Variants in IL1RAPL2 observed in about 807,000 individuals in gnomAD.
IL1RAPL2 encodes the protein interleukin 1 receptor accessory protein like 2.
Under a neutral mutation model 44.1 loss-of-function variants are expected in IL1RAPL2, and 3 were observed. The observed-to-expected ratio is 0.07, with a 90% confidence interval of 0.03 to 0.18. The LOEUF (loss-of-function observed/expected upper bound fraction) is 0.18. Among genes scored for constraint, IL1RAPL2 ranks in the 10% least tolerant of loss-of-function variants. IL1RAPL2 has a pLI of 1.00. For missense variants in IL1RAPL2, 391 were observed against 496.4 expected (o/e 0.79, Z 2.02); for synonymous variants, 181 against 178.8 (o/e 1.01, Z -0.10).
chrX:105,119,397 A>G (rs2032896866), intron 2 of IL1RAPL2, among the ~76,000 whole-genome samples: 1 of 110,951 alleles, frequency 9.0e-6, no homozygotes, highest in Non-Finnish European at 1.9e-5. Context: ...TCATCTTTCC[A>G]TCTCTTGCTC....
At chrX:105,475,758 T>C (rs897277796) in intron 5 of IL1RAPL2, among the ~76,000 whole-genome samples, 15 of 111,675 alleles carry the variant, frequency 1.3e-4, no homozygotes, top group African/African-American at 4.5e-4. Context: ...TGTTTTCTTT[T>C]CAAATTTGAA....
chrX:105,166,431 T>G (rs1219598585), intron 2 of IL1RAPL2, among the ~76,000 whole-genome samples: 1 of 112,281 alleles, frequency 8.9e-6, no homozygotes, highest in Non-Finnish European at 1.9e-5. Flanking sequence ...TAGCTTCATA[T>G]ACCTGCAAGA....
intron 1 of IL1RAPL2, among the ~76,000 whole-genome samples, chrX:104,655,181 A>T (rs888747993): frequency 1.3e-4 from 14 of 111,315 alleles, no homozygotes; most frequent in Admixed American, 3.8e-4. Flanking sequence ...CTCCTGCCTG[A>T]TTGCCCTGGC....
At chrX:105,473,976 C>T (rs1441026588) in intron 5 of IL1RAPL2, among the ~76,000 whole-genome samples, 1 of 111,108 alleles carries the variant, frequency 9.0e-6, no homozygotes, top group Non-Finnish European at 1.9e-5. Flanking sequence ...ATGCCCTCCA[C>T]CCCAAAGATG....
intron 6 of IL1RAPL2, among the ~76,000 whole-genome samples, chrX:105,642,320 G>A (rs1288509076): frequency 2.7e-5 from 3 of 112,324 alleles, no homozygotes; most frequent in Non-Finnish European, 5.6e-5. Flanking sequence ...CAGATGCAAA[G>A]AATGTAGGAA....
chrX:105,687,741 T>A lies in IL1RAPL2; in HGVS notation c.773-29626T>A, dbSNP rs1298159302. On this transcript the variant is annotated intron_variant, in intron 6 of 10. Coordinates refer to ENST00000372582, the MANE Select transcript of IL1RAPL2 (RefSeq NM_017416.2). The stretch of plus-strand genomic sequence containing the variant: ...TCAGTTTATGAGGCCAACATCATCC[T>A]GATACCAAAGCCTGGCAGAGACACA... 2.7e-5 allele frequency among the ~76,000 whole-genome samples: 3 copies of A among 111,657 alleles called. No homozygotes were observed. In the Admixed American group the frequency reaches 2.8e-4, roughly 11 times the overall value.
chrX:105,749,157 T>A (rs1321329767), intron 9 of IL1RAPL2, 54 bp downstream of exon 9: 1 of 1,122,428 alleles, frequency 8.9e-7, no homozygotes, highest in African/African-American at 1.8e-5. Context: ...TTTGTGATTA[T>A]GTAAGAGAAC....
chrX:105,242,480 G>C (rs2034179016), intron 4 of IL1RAPL2, among the ~76,000 whole-genome samples: 1 of 111,723 alleles, frequency 9.0e-6, no homozygotes, highest in Non-Finnish European at 1.9e-5. Flanking sequence ...TCATTTGTCA[G>C]TTTTAAAATA....
intron 2 of IL1RAPL2, among the ~76,000 whole-genome samples, chrX:104,968,475 A>G (rs1259393010): frequency 9.0e-6 from 1 of 111,659 alleles, no homozygotes; most frequent in Non-Finnish European, 1.9e-5. Flanking sequence ...TTGAAAATCA[A>G]GAACAGGAGA....
intron 2 of IL1RAPL2, among the ~76,000 whole-genome samples, chrX:104,884,118 C>A (rs1923159715): frequency 9.1e-6 from 1 of 110,114 alleles, no homozygotes; most frequent in Non-Finnish European, 1.9e-5. Context: ...GGCAAGGGTG[C>A]AGGTTTTTGA....
chrX:105,219,797 G>A, intron 3 of IL1RAPL2: 1 of 1,156,065 alleles, frequency 8.7e-7, no homozygotes, highest in Non-Finnish European at 1.2e-6. Flanking sequence ...TGTTCTGGGG[G>A]CAAGGCGGGA....
intron 2 of IL1RAPL2, among the ~76,000 whole-genome samples, chrX:104,772,226 G>A: frequency 8.9e-6 from 1 of 112,059 alleles, no homozygotes; most frequent in Non-Finnish European, 1.9e-5. Flanking sequence ...TGAAGAATAA[G>A]GATAATATTA....
intron 2 of IL1RAPL2, among the ~76,000 whole-genome samples, chrX:105,185,643 C>G (rs2033577964): frequency 8.9e-6 from 1 of 111,810 alleles, no homozygotes; most frequent in Non-Finnish European, 1.9e-5. Flanking sequence ...CCAGCCAGCT[C>G]TCTACTATTT....
intron 5 of IL1RAPL2, among the ~76,000 whole-genome samples, chrX:105,281,275 G>T (rs1380590710): frequency 9.0e-6 from 1 of 111,011 alleles, no homozygotes; most frequent in Non-Finnish European, 1.9e-5. Flanking sequence ...GACTTTTGGG[G>T]AGTAGGGGTC....
chrX:104,913,390 A>G (rs1924308188), intron 2 of IL1RAPL2, among the ~76,000 whole-genome samples: 1 of 111,644 alleles, frequency 9.0e-6, no homozygotes, highest in African/African-American at 3.3e-5. Flanking sequence ...AGGTTTCATC[A>G]AAATTTCAAA....
intron 2 of IL1RAPL2, among the ~76,000 whole-genome samples, chrX:105,026,396 G>C (rs778636585): frequency 2.8e-4 from 31 of 110,124 alleles, no homozygotes; most frequent in African/African-American, 8.9e-4. Flanking sequence ...TTCAGATTTT[G>C]GAAGAAGTAA....
intron 2 of IL1RAPL2, among the ~76,000 whole-genome samples, chrX:105,127,089 T>G (rs1402237173): frequency 1.8e-5 from 2 of 111,545 alleles, no homozygotes; most frequent in Admixed American, 1.9e-4. Flanking sequence ...TGGTGATTCT[T>G]CAGTTTTTAC....
chrX:105,120,964 G>T (rs1404364678), intron 2 of IL1RAPL2, among the ~76,000 whole-genome samples: 3 of 110,955 alleles, frequency 2.7e-5, no homozygotes, highest in Non-Finnish European at 5.7e-5. Flanking sequence ...GGACTAATCA[G>T]TTTCTTAAAA....
chrX:105,553,093 A>G (rs1246280038), intron 6 of IL1RAPL2, among the ~76,000 whole-genome samples: 1 of 112,380 alleles, frequency 8.9e-6, no homozygotes, highest in Non-Finnish European at 1.9e-5. Flanking sequence ...AGCTTAGTGA[A>G]TAAGTGATCT....
Sources: allele counts gnomAD v4.1 joint callset (sites outside exome capture counted in the v4.1 genomes callset), GRCh38; gene constraint gnomAD v4.1.1; transcripts MANE v1.5; gene names NCBI Gene and HGNC (gene_info 2026-07-23, HGNC 2026-07-21).